WASF1: variants seen among roughly 807,000 people sequenced by gnomAD.
The protein encoded by WASF1 is WASP family member 1.
Under a neutral mutation model 50.5 loss-of-function variants are expected in WASF1, and 7 were observed. The observed-to-expected ratio is 0.14, with a 90% confidence interval of 0.08 to 0.26. The LOEUF (loss-of-function observed/expected upper bound fraction) is 0.26. WASF1 is among the 10% of genes least tolerant of loss of function. The pLI is 1.00. For synonymous variants in WASF1, 205 were observed against 244.0 expected, an observed-to-expected ratio of 0.84 and a Z score of 1.49; for missense variants, 470 against 694.7, an observed-to-expected ratio of 0.68 and a Z score of 3.64.
chr6:110,135,363 C>T (rs952076214), intron 3 of WASF1, among the ~76,000 whole-genome samples: 64 of 152,126 alleles, frequency 4.2e-4, no homozygotes, highest in African/African-American at 1.5e-3. Flanking sequence ...CTTTCTTTTT[C>T]GTTGGATTGC....
At chr6:110,108,444 T>G in intron 6 of WASF1, 84 bp downstream of exon 6, 1 of 1,394,588 alleles carries the variant, frequency 7.2e-7, no homozygotes, top group Non-Finnish European at 9.7e-7. Context: ...AGAACCCCAA[T>G]GAAATAAAGA....
At chr6:110,111,802 G>A (rs1239636009) in intron 5 of WASF1, among the ~76,000 whole-genome samples, 3 of 152,114 alleles carry the variant, frequency 2.0e-5, no homozygotes, top group Non-Finnish European at 4.4e-5. Context: ...GACTGCTAAT[G>A]AGTACAGGGC....
At chr6:110,124,264 CTCTCTCTCTCTATATATA>C (rs1774306117) in intron 4 of WASF1, among the ~76,000 whole-genome samples, 9 of 62,784 alleles carry the variant, frequency 1.4e-4, no homozygotes, top group African/African-American at 7.3e-4. Flanking sequence ...CTCTCTCTCT[CTCTCTCTCTCTATATATA>C]TATATATATA....
intron 3 of WASF1, among the ~76,000 whole-genome samples, chr6:110,140,224 G>T (rs879390489): frequency 6.6e-6 from 1 of 152,222 alleles, no homozygotes; most frequent in East Asian, 1.9e-4. Flanking sequence ...ATAAGGATGG[G>T]TCTGGAGAGC....
chr6:110,173,837 G>A (rs1285510532), intron 2 of WASF1, among the ~76,000 whole-genome samples: 4 of 152,152 alleles, frequency 2.6e-5, no homozygotes, highest in African/African-American at 9.6e-5. Context: ...CAACCTCTGG[G>A]CATGGAGGAC....
At chr6:110,169,874 T>C (rs912520016) in intron 2 of WASF1, among the ~76,000 whole-genome samples, 9 of 152,078 alleles carry the variant, frequency 5.9e-5, no homozygotes, top group African/African-American at 2.2e-4. Context: ...GCTCAAAATG[T>C]TTCCAAAATT....
intron 3 of WASF1, among the ~76,000 whole-genome samples, chr6:110,139,769 A>G (rs1420598533): frequency 6.6e-6 from 1 of 152,180 alleles, no homozygotes. Flanking sequence ...TGAAACCACA[A>G]ATAGTACTGA....
At chr6:110,129,569 C>T (rs1031911076) in intron 3 of WASF1, among the ~76,000 whole-genome samples, 4 of 149,548 alleles carry the variant, frequency 2.7e-5, no homozygotes, top group Non-Finnish European at 5.9e-5. Flanking sequence ...GGAGCTACTT[C>T]ATGACAGTGG....
At chr6:110,168,818 C>T (rs1158497184) in intron 2 of WASF1, among the ~76,000 whole-genome samples, 1 of 152,158 alleles carries the variant, frequency 6.6e-6, no homozygotes, top group East Asian at 1.9e-4. Flanking sequence ...CATGAATATT[C>T]TACCCTATCC....
chr6:110,176,780 G>A (rs1460758048), intron 2 of WASF1, among the ~76,000 whole-genome samples: 1 of 152,020 alleles, frequency 6.6e-6, no homozygotes, highest in Non-Finnish European at 1.5e-5. Flanking sequence ...CCAAGTGACG[G>A]TGTCAGCTAA....
chr6:110,125,207 CAT>C (rs932415325), intron 4 of WASF1, among the ~76,000 whole-genome samples: 72 of 152,122 alleles, frequency 4.7e-4, no homozygotes, highest in African/African-American at 1.7e-3. Context: ...TAAAATTAAA[CAT>C]AATTTAATTT....
intron 3 of WASF1, among the ~76,000 whole-genome samples, chr6:110,143,752 T>C (rs1038381302): frequency 2.0e-5 from 3 of 152,340 alleles, no homozygotes; most frequent in Admixed American, 6.5e-5. Flanking sequence ...ATTAATTCTT[T>C]ACATTCATGG....
intron 4 of WASF1, among the ~76,000 whole-genome samples, chr6:110,124,217 C>CTCTCT (rs1258259081): frequency 3.0e-5 from 2 of 66,160 alleles, no homozygotes; most frequent in African/African-American, 1.9e-4. Flanking sequence ...CTCTCTCTCT[C>CTCTCT]CTCTCTCTCC....
At chr6:110,120,592 G>A (rs1369617885) in intron 4 of WASF1, among the ~76,000 whole-genome samples, 1 of 152,084 alleles carries the variant, frequency 6.6e-6, no homozygotes, top group Non-Finnish European at 1.5e-5. Flanking sequence ...AATCAATACC[G>A]TGAAAATGGC....
chr6:110,103,685 T>C, intron 8 of WASF1, 128 bp from the exon 9 acceptor site: 1 of 842,864 alleles, frequency 1.2e-6, no homozygotes, highest in African/African-American at 1.7e-5. Context: ...TAAGAAACTT[T>C]CAGAAATGTA....
chr6:110,142,503 A>G (rs1482498297), intron 3 of WASF1, among the ~76,000 whole-genome samples: 1 of 152,206 alleles, frequency 6.6e-6, no homozygotes, highest in Non-Finnish European at 1.5e-5. Flanking sequence ...TCAGTGGCAG[A>G]AAGTAAAATA....
intron 3 of WASF1, among the ~76,000 whole-genome samples, chr6:110,136,273 AC>A (rs1355072430): frequency 6.6e-6 from 1 of 152,204 alleles, no homozygotes; most frequent in African/African-American, 2.4e-5. Context: ...GTCAGAAAAT[AC>A]ACTTTGTATC....
intron 2 of WASF1, among the ~76,000 whole-genome samples, chr6:110,166,080 A>G (rs1265717186): frequency 6.6e-6 from 1 of 151,776 alleles, no homozygotes; most frequent in Admixed American, 6.6e-5. Context: ...ATTCATGAAA[A>G]AATCAGTGAT....
intron 4 of WASF1, among the ~76,000 whole-genome samples, chr6:110,123,836 C>G (rs1313333337): frequency 6.6e-6 from 1 of 152,102 alleles, no homozygotes; most frequent in Non-Finnish European, 1.5e-5. Flanking sequence ...GATACAAATG[C>G]TAGGTGTAGA....
Sources: allele counts gnomAD v4.1 joint callset (sites outside exome capture counted in the v4.1 genomes callset), GRCh38; gene constraint gnomAD v4.1.1; transcripts MANE v1.5; gene names NCBI Gene and HGNC (gene_info 2026-07-23, HGNC 2026-07-21).